Variants in MS4A4A observed in about 807,000 individuals in gnomAD.
MS4A4A encodes membrane spanning 4-domains A4A, also known as membrane-spanning 4-domains subfamily A member 4A.
A neutral mutation model predicts 28.0 loss-of-function variants in MS4A4A; 26 were observed. The observed-to-expected ratio is 0.93, with a 90% CI of 0.68 to 1.29. The LOEUF is 1.29. MS4A4A is among the 50% of genes most tolerant of loss of function. The pLI is 0.00. For synonymous variants in MS4A4A, 86 were observed against 100.8 expected (o/e 0.85, Z 0.88); for missense variants, 290 against 293.1 (o/e 0.99, Z 0.08).
intron 1 of MS4A4A, 136 bp from the exon 2 acceptor site, chr11:60,292,089 C>T: frequency 8.9e-7 from 1 of 1,122,040 alleles, no homozygotes; most frequent in Non-Finnish European, 1.2e-6. Flanking sequence ...TTCCACTTCC[C>T]CAGCTCTAAC....
intron 2 of MS4A4A, among the ~76,000 whole-genome samples, chr11:60,294,859 C>T (rs2084888766): frequency 7.0e-6 from 1 of 143,286 alleles, no homozygotes; most frequent in Admixed American, 7.2e-5. Context: ...ATAGTATGTC[C>T]TAAAATTGGG....
Position 60,298,401 on chromosome 11 carries a change from C to G in MS4A4A, c.330+1076C>G, listed in dbSNP as rs529182083. Among the ~76,000 whole-genome samples, 3 of 152,298 alleles carry G rather than the reference C, an allele frequency of 2.0e-5. No homozygotes were observed. The East Asian group carries it at 5.8e-4, about 29-fold the overall frequency. On this transcript the variant is annotated intron_variant, in intron 3 of 6. Coordinates refer to ENST00000337908, the MANE Select transcript of MS4A4A (RefSeq NM_148975.3). ...AAAGCTGTGTTTTACTTCTAGAAAG[C>G]TGCACAATACTTCATATATCCAAAA...
intron 4 of MS4A4A, 32 bp from the exon 5 acceptor site, chr11:60,302,527 G>A: frequency 6.2e-7 from 1 of 1,608,696 alleles, no homozygotes; most frequent in Middle Eastern, 1.7e-4. Context: ...GGATGTTGTT[G>A]GATTGTTTAA....
chr11:60,299,741 G>A (rs754556865), intron 3 of MS4A4A, among the ~76,000 whole-genome samples: 7 of 152,234 alleles, frequency 4.6e-5, no homozygotes, highest in Non-Finnish European at 8.8e-5. Flanking sequence ...GATTACAAGC[G>A]TGTGCCACCA....
chr11:60,291,342 G>A (rs76543266), intron 1 of MS4A4A, among the ~76,000 whole-genome samples: 22,743 of 152,064 alleles, frequency 0.15, 1,829 homozygotes, highest in African/African-American at 0.17. Context: ...AGAGTTTGTG[G>A]CACAAAATAC....
In MS4A4A at chr11:60,292,384, G is replaced by T. The variant is rs774032273; in HGVS notation, c.201G>T (p.Gly67=). The T allele has an allele frequency of 6.3e-7, 1 of 1,587,522 alleles. No homozygotes were observed. The highest frequency in any genetic ancestry group is 1.2e-5 in the South Asian group (1 of 86,124). ...KFLKGEPKVL[G]VVQILTALMS... Reference sequence around the variant, plus strand: ...TGAAGGGAGAACCCAAAGTCCTTGGGGTAAGTTGCAAATCTAGGGGAAGAC... The same window carrying T: ...TGAAGGGAGAACCCAAAGTCCTTGGTGTAAGTTGCAAATCTAGGGGAAGAC... The change falls in exon 2 of 7, where the codon GGG becomes GGT. Residue 67 remains glycine (G), a splice_region_variant and synonymous_variant. Transcript: ENST00000337908.
intron 3 of MS4A4A, 61 bp from the exon 4 acceptor site, chr11:60,300,940 A>T (rs2084948123): frequency 8.3e-7 from 1 of 1,211,598 alleles, no homozygotes; most frequent in African/African-American, 1.5e-5. Context: ...TAAGTTTAGT[A>T]AGTTATGACT....
At chr11:60,294,899 CTT>C (rs1565145929) in intron 2 of MS4A4A, among the ~76,000 whole-genome samples, 1 of 53,488 alleles carries the variant, frequency 1.9e-5, no homozygotes, top group African/African-American at 4.6e-5. Context: ...ACTACTTCTT[CTT>C]CTTCTTCTTC....
Position 60,297,251 on chromosome 11 carries a change from T to C in MS4A4A, c.256T>C (p.Cys86Arg). 47 of 1,613,684 alleles carry C rather than the reference T, an allele frequency of 2.9e-5. No individual in the cohort carries two copies. The highest frequency in any genetic ancestry group is 4.0e-5 in the Non-Finnish European group (47 of 1,179,660). ...MSLSMGITMMCMASNTYGSNP... is the reference protein window; with the variant it reads ...MSLSMGITMMRMASNTYGSNP... Reference sequence around the variant, plus strand: ...CCTTAGCATGGGAATAACAATGATGTGTATGGCATCTAATACTTATGGAAG... The same window carrying C: ...CCTTAGCATGGGAATAACAATGATGCGTATGGCATCTAATACTTATGGAAG... The change falls in exon 3 of 7, where the codon TGT (cysteine) becomes CGT (arginine). Residue 86 changes from cysteine to arginine, a missense_variant. Cys to Arg is a radical substitution (Grantham distance 180, BLOSUM62 -3). Coordinates refer to ENST00000337908, the MANE Select transcript of MS4A4A (RefSeq NM_148975.3).
chr11:60,294,429 T>C (rs1441293421), intron 2 of MS4A4A, among the ~76,000 whole-genome samples: 1 of 152,216 alleles, frequency 6.6e-6, no homozygotes, highest in Non-Finnish European at 1.5e-5. Context: ...CTTGACAATG[T>C]CTTCTGCAGA....
intron 1 of MS4A4A, 102 bp from the exon 2 acceptor site, chr11:60,292,123 A>ATGTAGG: frequency 3.7e-6 from 5 of 1,358,916 alleles, no homozygotes; most frequent in Non-Finnish European, 3.9e-6. Context: ...TGGGAAGAGA[A>ATGTAGG]TGTAGACCAG....
At chr11:60,288,190 C>T (rs1049891900) in intron 1 of MS4A4A, among the ~76,000 whole-genome samples, 5 of 152,238 alleles carry the variant, frequency 3.3e-5, no homozygotes, top group African/African-American at 9.6e-5. Flanking sequence ...ACTCCCATAG[C>T]TATTTGTGAC....
chr11:60,293,089 G>T (rs530131156), intron 2 of MS4A4A, among the ~76,000 whole-genome samples: 1 of 151,916 alleles, frequency 6.6e-6, no homozygotes, highest in African/African-American at 2.4e-5. Context: ...ATGGAGTCTC[G>T]CTCCATCATC....
intron 1 of MS4A4A, among the ~76,000 whole-genome samples, chr11:60,289,003 T>G (rs532100463): frequency 1.3e-5 from 2 of 152,144 alleles, no homozygotes; most frequent in African/African-American, 2.4e-5. Flanking sequence ...AGCAGTTCCA[T>G]GGCAGCCTGG....
rs141267179 is a variant in MS4A4A, at chr11:60,303,031, G to A, written c.546+314G>A. Among the ~76,000 whole-genome samples the A allele has an allele frequency of 2.0e-5, 3 of 152,258 alleles. No homozygotes were observed. The East Asian group carries it at 5.8e-4, about 29-fold the overall frequency. On this transcript the variant is annotated intron_variant, in intron 5 of 6. Coordinates refer to ENST00000337908, the MANE Select transcript of MS4A4A (RefSeq NM_148975.3). ...TTAAAACATTGATGCAGTACGTACT[G>A]TTATCCCCTCTAAAAATGGGGCCCT...
chr11:60,298,361 G>T (rs1382153356), intron 3 of MS4A4A, among the ~76,000 whole-genome samples: 1 of 152,134 alleles, frequency 6.6e-6, no homozygotes, highest in African/African-American at 2.4e-5. Context: ...AGAAGTGCAA[G>T]ATTGGAAGAA....
At position 60,280,684 on chromosome 11, in the gene MS4A4A, G is replaced by C; in HGVS notation, c.9G>C (p.Gln3His). The C allele has an allele frequency of 6.2e-7, 1 of 1,613,702 alleles. No individual in the cohort carries two copies. Among genetic ancestry groups the C allele is most frequent in the Non-Finnish European group, 8.5e-7 (1 of 1,179,746 alleles). Residue 3 changes from glutamine to histidine, a missense_variant, in exon 1 of 7, where the codon CAG (glutamine) becomes CAC (histidine). Physicochemically the swap from Gln to His is conservative, Grantham distance 24. Transcript: ENST00000337908. Reference sequence around the variant, plus strand: ...CTTGCCCAGAGCCCTGCATGCATCAGACCTACAGCAGACATTGCAGGCCTG... The same window carrying C: ...CTTGCCCAGAGCCCTGCATGCATCACACCTACAGCAGACATTGCAGGCCTG... The part of the protein sequence containing the change: MH[Q>H]TYSRHCRPEE...
chr11:60,292,403 G>C lies in MS4A4A; in HGVS notation c.201+19G>C, dbSNP rs1435022595. On this transcript the variant is annotated intron_variant, in intron 2 of 6. Coordinates refer to ENST00000337908, the MANE Select transcript of MS4A4A (RefSeq NM_148975.3). Reference sequence around the variant, plus strand: ...CCTTGGGGTAAGTTGCAAATCTAGGGGAAGACCAATGGTGTTGCAAACTCA... The same window carrying C: ...CCTTGGGGTAAGTTGCAAATCTAGGCGAAGACCAATGGTGTTGCAAACTCA... The C allele has an allele frequency of 6.3e-7, 1 of 1,575,952 alleles. No individual in the cohort carries two copies. The highest frequency in any genetic ancestry group is 1.8e-5 in the Admixed American group (1 of 54,706).
intron 1 of MS4A4A, among the ~76,000 whole-genome samples, chr11:60,291,443 C>G (rs1007606725): frequency 6.6e-6 from 1 of 152,112 alleles, no homozygotes; most frequent in Non-Finnish European, 1.5e-5. Flanking sequence ...AAAGGAGGAA[C>G]TATGCAATAC....
Sources: allele counts gnomAD v4.1 joint callset (sites outside exome capture counted in the v4.1 genomes callset), GRCh38; gene constraint gnomAD v4.1.1; transcripts MANE v1.5; gene names NCBI Gene and HGNC (gene_info 2026-07-23, HGNC 2026-07-21).